Variants in GABBR2 observed in about 807,000 individuals in gnomAD.
The protein encoded by GABBR2 is gamma-aminobutyric acid type B receptor subunit 2, also known as G-protein coupled receptor 51.
GABBR2 carries 23 observed loss-of-function variants against 105.6 expected under a neutral mutation model. The ratio of observed to expected loss-of-function variants is 0.22; its 90% confidence interval spans 0.16 to 0.31. GABBR2 has a LOEUF of 0.31. Ranked by LOEUF, GABBR2 falls within the 10% of genes least tolerant of loss-of-function variation. The pLI is 1.00. For synonymous variants in GABBR2, 478 were observed against 499.7 expected, an observed-to-expected ratio of 0.96 and a Z score of 0.58; for missense variants, 734 against 1,245.5, an observed-to-expected ratio of 0.59 and a Z score of 6.18.
At chr9:98,600,588 T>C (rs1829314872) in intron 1 of GABBR2, among the ~76,000 whole-genome samples, 1 of 152,274 alleles carries the variant, frequency 6.6e-6, no homozygotes, top group Admixed American at 6.5e-5. Context: ...GCTCAGCAAG[T>C]GCCCAGTACA....
At chr9:98,579,484 A>G (rs754307553) in intron 1 of GABBR2, among the ~76,000 whole-genome samples, 1 of 152,106 alleles carries the variant, frequency 6.6e-6, no homozygotes, top group Non-Finnish European at 1.5e-5. Context: ...TTACCTCCCC[A>G]TGGGCAAGTT....
intron 12 of GABBR2, among the ~76,000 whole-genome samples, chr9:98,363,373 G>A (rs986135109): frequency 1.3e-5 from 2 of 152,132 alleles, no homozygotes; most frequent in African/African-American, 2.4e-5. Flanking sequence ...CTAGGTTGAT[G>A]GTTTCAGAGG....
chr9:98,345,582 T>C (rs1469099811), intron 13 of GABBR2, among the ~76,000 whole-genome samples: 1 of 152,190 alleles, frequency 6.6e-6, no homozygotes, highest in African/African-American at 2.4e-5. Context: ...CTATTCAACA[T>C]TGTACTAGAA....
chr9:98,570,437 T>C (rs1622942), intron 2 of GABBR2, among the ~76,000 whole-genome samples: 98,192 of 152,110 alleles, frequency 0.65, 31,738 homozygotes, highest in East Asian at 0.73. Flanking sequence ...ATCAGCAAGA[T>C]GATTTCTGTC....
chr9:98,683,492 A>C (rs1830576418), intron 1 of GABBR2, among the ~76,000 whole-genome samples: 1 of 152,174 alleles, frequency 6.6e-6, no homozygotes, highest in Non-Finnish European at 1.5e-5. Flanking sequence ...ATTAAACGAG[A>C]TCATGCATGT....
intron 3 of GABBR2, among the ~76,000 whole-genome samples, chr9:98,513,846 C>T (rs371144718): frequency 0.018 from 2,707 of 152,154 alleles, 74 homozygotes; most frequent in African/African-American, 0.061. Flanking sequence ...GAAGTCAGTG[C>T]GGCGATTCCT....
At chr9:98,600,562 T>C (rs1281974116) in intron 1 of GABBR2, among the ~76,000 whole-genome samples, 11 of 152,254 alleles carry the variant, frequency 7.2e-5, no homozygotes, top group Non-Finnish European at 1.6e-4. Context: ...GCATAAGCCT[T>C]CTGCATAGGC....
Position 98,420,749 on chromosome 9 carries a change from C to T in GABBR2, c.1237-14608G>A, listed in dbSNP as rs1832768554. Among the ~76,000 whole-genome samples the T allele has an allele frequency of 2.0e-5, 3 of 152,084 alleles. No individual in the cohort carries two copies. In the South Asian group the frequency reaches 6.2e-4, roughly 32 times the overall value. On this transcript the variant is annotated intron_variant, in intron 7 of 18. Coordinates refer to ENST00000259455, the MANE Select transcript of GABBR2 (RefSeq NM_005458.8). ...GAAGCGCTAGGGAGAGATCACCAGG[C>T]AAAAGGGAAGGTTGGGGATGGTGAG...
chr9:98,579,489 C>A (rs1828970131), intron 1 of GABBR2, among the ~76,000 whole-genome samples: 1 of 152,204 alleles, frequency 6.6e-6, no homozygotes, highest in Admixed American at 6.5e-5. Flanking sequence ...TCCCCATGGG[C>A]AAGTTCAACC....
chr9:98,646,802 G>A (rs184232140), intron 1 of GABBR2, among the ~76,000 whole-genome samples: 3 of 152,134 alleles, frequency 2.0e-5, no homozygotes, highest in Admixed American at 6.5e-5. Context: ...AGAGTTCTCT[G>A]GGAGCTATCT....
intron 4 of GABBR2, among the ~76,000 whole-genome samples, chr9:98,491,426 T>C (rs767654471): frequency 1.3e-5 from 2 of 152,254 alleles, no homozygotes; most frequent in Non-Finnish European, 2.9e-5. Context: ...TTTGAACTTC[T>C]GGTCAGAATC....
At chr9:98,601,584 C>T (rs997579390) in intron 1 of GABBR2, among the ~76,000 whole-genome samples, 5 of 152,050 alleles carry the variant, frequency 3.3e-5, no homozygotes, top group African/African-American at 1.2e-4. Flanking sequence ...GCTATCACCA[C>T]AATTTAATTT....
intron 3 of GABBR2, among the ~76,000 whole-genome samples, chr9:98,499,234 T>C (rs1827348499): frequency 6.6e-6 from 1 of 152,236 alleles, no homozygotes; most frequent in Non-Finnish European, 1.5e-5. Flanking sequence ...AATGTGTGTA[T>C]GAAAGCTATA....
At chr9:98,500,870 G>C (rs956331833) in intron 3 of GABBR2, among the ~76,000 whole-genome samples, 2 of 152,114 alleles carry the variant, frequency 1.3e-5, no homozygotes, top group African/African-American at 4.8e-5. Flanking sequence ...AAACTCTCCA[G>C]CTCTACCCAG....
intron 1 of GABBR2, among the ~76,000 whole-genome samples, chr9:98,616,967 C>T (rs1269356177): frequency 6.6e-6 from 1 of 152,150 alleles, no homozygotes; most frequent in African/African-American, 2.4e-5. Context: ...GAATTGCAAT[C>T]CCTTGGACAG....
chr9:98,537,074 C>T (rs1828195583), intron 3 of GABBR2, among the ~76,000 whole-genome samples: 2 of 152,298 alleles, frequency 1.3e-5, no homozygotes, highest in Non-Finnish European at 2.9e-5. Flanking sequence ...GCTGGCGACA[C>T]ACTGAAGCCA....
At chr9:98,502,046 G>A (rs57192732) in intron 3 of GABBR2, among the ~76,000 whole-genome samples, 247 of 152,250 alleles carry the variant, frequency 1.6e-3, no homozygotes, top group African/African-American at 5.1e-3. Flanking sequence ...CAATGGCTTC[G>A]TTCCTGCAAC....
chr9:98,608,484 G>A (rs1829463081), intron 1 of GABBR2, among the ~76,000 whole-genome samples: 1 of 152,114 alleles, frequency 6.6e-6, no homozygotes, highest in South Asian at 2.1e-4. Context: ...AAGGACTCTG[G>A]AAGGTTTTCA....
chr9:98,349,507 C>T (rs1480143787), intron 13 of GABBR2, among the ~76,000 whole-genome samples: 1 of 151,856 alleles, frequency 6.6e-6, no homozygotes, highest in East Asian at 1.9e-4. Flanking sequence ...GCATGCACCA[C>T]CAGGCCTGGC....
Sources: gnomAD v4.1 joint callset for allele counts (sites outside exome capture counted in the v4.1 genomes callset) on GRCh38, gnomAD v4.1.1 for gene constraint, MANE v1.5 for transcripts, NCBI Gene and HGNC (gene_info 2026-07-23, HGNC 2026-07-21) for gene names.